Variants in TBXAS1 observed in about 807,000 individuals in gnomAD.
TBXAS1 encodes the protein thromboxane-A synthase.
A neutral mutation model predicts 60.7 loss-of-function variants in TBXAS1; 48 were observed. The ratio of observed to expected loss-of-function variants is 0.79; its 90% CI spans 0.63 to 1.01. The LOEUF (loss-of-function observed/expected upper bound fraction) is 1.01. Among genes scored for constraint, TBXAS1 ranks in the 50% least tolerant of loss-of-function variants. The pLI is 0.00. For missense variants in TBXAS1, 685 were observed against 686.3 expected, an observed-to-expected ratio of 1.00 and a Z score of 0.02; for synonymous variants, 287 against 269.7, an observed-to-expected ratio of 1.06 and a Z score of -0.63.
intron 5 of TBXAS1, among the ~76,000 whole-genome samples, chr7:139,941,341 C>T (rs765978666): frequency 1.3e-5 from 2 of 151,972 alleles, no homozygotes; most frequent in Admixed American, 1.3e-4. Context: ...TTCGTTTATG[C>T]GGATATTAGG....
intron 2 of TBXAS1, among the ~76,000 whole-genome samples, chr7:139,873,568 G>C (rs1295566539): frequency 6.6e-6 from 1 of 152,226 alleles, no homozygotes; most frequent in Non-Finnish European, 1.5e-5. Flanking sequence ...CCTAAGCTTT[G>C]AGCCAGGGGA....
chr7:139,915,995 G>A lies in TBXAS1; in HGVS notation c.333+4674G>A, dbSNP rs114059924. Reference sequence around the variant, plus strand: ...ACTGCTCCATGATGGTGCAACCACAGCTTATCATTAAACCCAAATCAATCT... The same window carrying A: ...ACTGCTCCATGATGGTGCAACCACAACTTATCATTAAACCCAAATCAATCT... On this transcript the variant is annotated intron_variant, in intron 4 of 12. Transcript: ENST00000448866. Among the ~76,000 whole-genome samples the A allele has an allele frequency of 1.9e-3, 288 of 152,278 alleles. 4 individuals are homozygous for A. Among genetic ancestry groups the A allele is most frequent in the African/African-American group, 6.3e-3 (262 of 41,550 alleles).
At chr7:139,871,897 G>A (rs1331657334) in intron 1 of TBXAS1, among the ~76,000 whole-genome samples, 1 of 152,192 alleles carries the variant, frequency 6.6e-6, no homozygotes, top group African/African-American at 2.4e-5. Flanking sequence ...TAGAGGCAAA[G>A]GAAAGGAATT....
chr7:139,952,860 A>T (rs1348461505), intron 5 of TBXAS1, among the ~76,000 whole-genome samples: 2 of 152,234 alleles, frequency 1.3e-5, no homozygotes, highest in Non-Finnish European at 2.9e-5. Flanking sequence ...CTCTATAAAT[A>T]ATTTCTGTGT....
At chr7:139,956,026 A>G (rs1261031607) in intron 7 of TBXAS1, among the ~76,000 whole-genome samples, 2 of 152,228 alleles carry the variant, frequency 1.3e-5, no homozygotes, top group Non-Finnish European at 2.9e-5. Flanking sequence ...TCTTTCCTTC[A>G]GCAAAATCCT....
chr7:140,012,347 G>C (rs1471704264), intron 10 of TBXAS1, among the ~76,000 whole-genome samples: 1 of 152,212 alleles, frequency 6.6e-6, no homozygotes. Flanking sequence ...AGTTGGGAAG[G>C]GGGTGGGCTG....
At chr7:139,850,799 C>T (rs986602940) in intron 1 of TBXAS1, among the ~76,000 whole-genome samples, 4 of 152,114 alleles carry the variant, frequency 2.6e-5, no homozygotes, top group East Asian at 1.9e-4. Context: ...ATGACCAAGG[C>T]GGAGATTAGA....
rs112604624 is a variant in TBXAS1, at chr7:139,957,587, T to C, written c.689-47T>C. 99 of 1,613,064 alleles carry C rather than the reference T, an allele frequency of 6.1e-5. No homozygotes were observed. In the African/African-American group the frequency reaches 1.2e-3, roughly 20 times the overall value. ...GGAACAGGCGTCTAATGGCCCTGGT[T>C]TATTATCACCCCCTTTTCAATGCCA... On this transcript the variant is annotated intron_variant, in intron 7 of 12. Coordinates refer to ENST00000448866, the MANE Select transcript of TBXAS1 (RefSeq NM_001061.7).
At chr7:139,952,500 T>C in intron 5 of TBXAS1, 1 of 1,524,860 alleles carries the variant, frequency 6.6e-7, no homozygotes, top group Non-Finnish European at 8.8e-7. Context: ...TTAGCTGTGA[T>C]GCTATTCTAG....
intron 1 of TBXAS1, among the ~76,000 whole-genome samples, chr7:139,860,288 A>T (rs1800871424): frequency 6.6e-6 from 1 of 151,954 alleles, no homozygotes; most frequent in Non-Finnish European, 1.5e-5. Flanking sequence ...CAACTGTACC[A>T]TGTACTGTTC....
intron 4 of TBXAS1, among the ~76,000 whole-genome samples, chr7:139,929,657 G>A (rs117986406): frequency 0.01 from 1,557 of 152,260 alleles, 14 homozygotes; most frequent in South Asian, 0.025. Context: ...TCATCATTCC[G>A]ACTGCTCAGT....
In TBXAS1 at chr7:139,936,206, T is replaced by C. The variant is rs751251261; in HGVS notation, c.349T>C (p.Phe117Leu). Residue 117 changes from phenylalanine to leucine, a missense_variant, in exon 5 of 13, where the codon TTC (phenylalanine) becomes CTC (leucine). By Grantham distance (22) the Phe-to-Leu change is conservative. Transcript: ENST00000448866. ...FTNRMASGLEFKSVADSVLFL... is the reference protein window; with the variant it reads ...FTNRMASGLELKSVADSVLFL... Reference sequence around the variant, plus strand: ...TTCCCAACAGGCGTCGGGTTTGGAGTTCAAGTCGGTAGCCGACAGCGTTCT... The same window carrying C: ...TTCCCAACAGGCGTCGGGTTTGGAGCTCAAGTCGGTAGCCGACAGCGTTCT... 6.2e-7 allele frequency: 1 copy of C among 1,613,990 alleles called. No individual in the cohort carries two copies. Among genetic ancestry groups the C allele is most frequent in the Admixed American group, 1.7e-5 (1 of 60,008 alleles).
At chr7:139,991,739 G>GT (rs1298206740) in intron 9 of TBXAS1, among the ~76,000 whole-genome samples, 2 of 152,230 alleles carry the variant, frequency 1.3e-5, no homozygotes, top group Non-Finnish European at 2.9e-5. Context: ...CCCTTTTGGG[G>GT]TTTTGTCCCA....
intron 4 of TBXAS1, among the ~76,000 whole-genome samples, chr7:139,798,985 C>CCAGCCTCCT (rs1463241882): frequency 3.3e-5 from 5 of 152,060 alleles, no homozygotes; most frequent in Admixed American, 6.6e-5. Context: ...ATTCTCAGAA[C>CCAGCCTCCT]CAGCCTCCTT....
chr7:139,896,673 A>G lies in TBXAS1; in HGVS notation c.237-14552A>G, dbSNP rs952985518. 6.6e-6 allele frequency among the ~76,000 whole-genome samples: 1 copy of G among 152,174 alleles called. No homozygotes were observed. Among genetic ancestry groups the G allele is most frequent in the Admixed American group, 6.5e-5 (1 of 15,288 alleles). On this transcript the variant is annotated intron_variant, in intron 3 of 12. Coordinates refer to ENST00000448866, the MANE Select transcript of TBXAS1 (RefSeq NM_001061.7). The surrounding 1 kb of genome is among the most constrained non-coding windows in gnomAD (Gnocchi z 4.0). ...TAAAGTTGTTTGAACTTATCTACTTAGAAATGAGACTGTGGGGTTCTTCTT... is the reference window on the plus strand; with the variant it reads ...TAAAGTTGTTTGAACTTATCTACTTGGAAATGAGACTGTGGGGTTCTTCTT...
intron 3 of TBXAS1, among the ~76,000 whole-genome samples, chr7:139,895,699 C>G (rs573761964): frequency 6.6e-6 from 1 of 152,332 alleles, no homozygotes; most frequent in African/African-American, 2.4e-5. Context: ...CATGGGAACT[C>G]TAGTTCAAAT....
intron 8 of TBXAS1, among the ~76,000 whole-genome samples, chr7:139,961,061 GA>G (rs1173947909): frequency 1.3e-5 from 2 of 152,036 alleles, no homozygotes; most frequent in African/African-American, 4.8e-5. Context: ...AAAATATAAA[GA>G]ATATGCAAAT....
intron 3 of TBXAS1, among the ~76,000 whole-genome samples, chr7:139,907,282 T>A (rs978532764): frequency 3.3e-5 from 5 of 152,218 alleles, no homozygotes; most frequent in African/African-American, 9.6e-5. Flanking sequence ...ACTGATATAA[T>A]CACATAATTT....
chr7:139,809,790 G>A (rs773348989), intron 4 of TBXAS1, among the ~76,000 whole-genome samples: 9 of 152,094 alleles, frequency 5.9e-5, no homozygotes, highest in Admixed American at 2.6e-4. Context: ...TGAATGGGTG[G>A]TGCCCGTCCA....
Sources: allele counts gnomAD v4.1 joint callset (sites outside exome capture counted in the v4.1 genomes callset), GRCh38; gene constraint gnomAD v4.1.1; non-coding constraint Gnocchi (gnomAD v3.1); transcripts MANE v1.5; gene names NCBI Gene and HGNC (gene_info 2026-07-23, HGNC 2026-07-21).